Variants in VPS13C observed in about 807,000 individuals in gnomAD.
The protein encoded by VPS13C is intermembrane lipid transfer protein VPS13C.
A neutral mutation model predicts 456.8 loss-of-function variants in VPS13C; 358 were observed. The ratio of observed to expected loss-of-function variants is 0.78; its 90% CI spans 0.72 to 0.86. VPS13C has a LOEUF of 0.86. Among genes scored for constraint, VPS13C ranks in the 40% least tolerant of loss-of-function variants. VPS13C has a pLI of 0.00. For synonymous variants in VPS13C, 1,578 were observed against 1,486.7 expected (o/e 1.06, Z -1.41); for missense variants, 4,818 against 4,385.4 (o/e 1.10, Z -2.79).
At chr15:62,044,447 A>G (rs977174860) in intron 1 of VPS13C, among the ~76,000 whole-genome samples, 192 bp from the exon 2 acceptor site, 1 of 152,216 alleles carries the variant, frequency 6.6e-6, no homozygotes, top group African/African-American at 2.4e-5. Flanking sequence ...GTAGCATACT[A>G]TAGGTTAATC....
chr15:61,931,285 A>T (rs770717967), intron 49 of VPS13C, 26 bp from the exon 50 acceptor site: 2 of 1,591,074 alleles, frequency 1.3e-6, no homozygotes, highest in Admixed American at 1.8e-5. Context: ...CAAGCAAAAG[A>T]ATCAATTACC....
chr15:62,037,638 C>A (rs2048109710), intron 3 of VPS13C, among the ~76,000 whole-genome samples: 1 of 150,754 alleles, frequency 6.6e-6, no homozygotes, highest in African/African-American at 2.4e-5. Context: ...AAAGATATCA[C>A]CTTCATCCTT....
In VPS13C at chr15:61,917,418, C is replaced by A; in HGVS notation, c.7978G>T (p.Val2660Leu). The change falls in exon 60 of 85, where the codon GTA (valine) becomes TTA (leucine). Residue 2660 changes from valine (V) to leucine (L), a missense_variant. Physicochemically the swap from Val to Leu is conservative, Grantham distance 32 (BLOSUM62 1). Around this residue, in one of 3 missense-constraint regions of VPS13C, gnomAD observed 4,552 missense variants for 4,130.6 expected, o/e 1.10. Transcript: ENST00000644861. ...GGATAAAGATGAATAATGTAAGCTA[C>A]ATCCCAGTCTTCCCCATGTGTACAT... ...YICTHGEDWD[V>L]AYIIHLYPSL... 1 of 1,613,954 alleles carries A rather than the reference C, an allele frequency of 6.2e-7. No homozygotes were observed. The highest frequency in any genetic ancestry group is 1.1e-5 in the South Asian group (1 of 91,064).
intron 49 of VPS13C, among the ~76,000 whole-genome samples, chr15:61,931,840 A>G (rs552193502): frequency 1.3e-5 from 2 of 152,122 alleles, no homozygotes; most frequent in Non-Finnish European, 2.9e-5. Context: ...TCGGCCTCCC[A>G]AAGTGCTGGG....
rs2140323521 is a variant in VPS13C, at chr15:61,962,863, G to A, written c.3332-11C>T. 6.4e-7 allele frequency: 1 copy of A among 1,554,016 alleles called. No individual in the cohort carries two copies. The highest frequency in any genetic ancestry group is 8.8e-7 in the Non-Finnish European group (1 of 1,133,980). On this transcript the variant is annotated splice_polypyrimidine_tract_variant and intron_variant, in intron 32 of 84. Transcript: ENST00000644861. ...GGGAGGAATCCAGTCCTGAAAAAAA[G>A]AGTGTATTATTATAATTTCTACAGA...
intron 14 of VPS13C, 92 bp from the exon 15 acceptor site, chr15:62,007,571 A>T: frequency 8.6e-7 from 1 of 1,164,488 alleles, no homozygotes. Context: ...ATGCTGTCAA[A>T]TTTTTTGTTC....
chr15:62,013,388 T>C (rs1029476758), intron 10 of VPS13C, among the ~76,000 whole-genome samples: 1 of 151,916 alleles, frequency 6.6e-6, no homozygotes, highest in African/African-American at 2.4e-5. Flanking sequence ...CAGAAATTAG[T>C]ATTTAACAGA....
chr15:61,876,924 G>T, intron 75 of VPS13C, 49 bp downstream of exon 75: 1 of 1,398,336 alleles, frequency 7.2e-7, no homozygotes, highest in Non-Finnish European at 9.9e-7. Context: ...CAAATGTTTT[G>T]ATATTTTATG....
chr15:62,012,165 C>T lies in VPS13C; in HGVS notation c.826-1G>A, dbSNP rs376861755. ...TAAGAATTTCATTTTTCAGCTGATCCTAAACAAAAAATTTGAATGAGAATG... is the reference window on the plus strand; with the variant it reads ...TAAGAATTTCATTTTTCAGCTGATCTTAAACAAAAAATTTGAATGAGAATG... On this transcript the variant is annotated splice_acceptor_variant, in intron 11 of 84. Transcript: ENST00000644861. LOFTEE classifies it high-confidence loss of function. The T allele has an allele frequency of 4.1e-5, 63 of 1,531,788 alleles. No individual in the cohort carries two copies. The highest frequency in any genetic ancestry group is 5.1e-5 in the Non-Finnish European group (57 of 1,113,092). 94.9% of individuals were successfully genotyped at this position (1,531,788 alleles called of 1,614,324 possible).
chr15:61,869,950 C>G (rs1273636001), intron 79 of VPS13C, among the ~76,000 whole-genome samples: 1 of 152,148 alleles, frequency 6.6e-6, no homozygotes, highest in Non-Finnish European at 1.5e-5. Context: ...CTCATCAGTA[C>G]CTGCAACTTG....
intron 8 of VPS13C, among the ~76,000 whole-genome samples, chr15:62,021,782 T>C (rs2047470428): frequency 6.6e-6 from 1 of 151,906 alleles, no homozygotes; most frequent in South Asian, 2.1e-4. Flanking sequence ...CCACACTCTC[T>C]TTTTATACTT....
intron 5 of VPS13C, among the ~76,000 whole-genome samples, chr15:62,029,960 A>C (rs534847418): frequency 6.6e-6 from 1 of 152,224 alleles, no homozygotes; most frequent in African/African-American, 2.4e-5. Context: ...GAAACAAAAA[A>C]GGCAAAGGAC....
rs1182458040 is a variant in VPS13C at position 62,005,962 on chromosome 15, C to A, written c.1290+1346G>T. 3.3e-5 allele frequency among the ~76,000 whole-genome samples: 5 copies of A among 152,074 alleles called. No homozygotes were observed. In the South Asian group the frequency reaches 1.0e-3, roughly 32 times the overall value. ...CAGGTGATCCGCCCGCCTCAGCCTC[C>A]CAAAGTGCTGGGATTATAGGTGTGA... On this transcript the variant is annotated intron_variant, in intron 15 of 84. Coordinates refer to ENST00000644861, the MANE Select transcript of VPS13C (RefSeq NM_020821.3).
chr15:62,036,478 ACT>A (rs2048004021), intron 3 of VPS13C, among the ~76,000 whole-genome samples: 1 of 152,078 alleles, frequency 6.6e-6, no homozygotes, highest in African/African-American at 2.4e-5. Flanking sequence ...TTAGATTTTC[ACT>A]TCTCTTCAGC....
Position 61,915,994 on chromosome 15 carries a change from T to G in VPS13C, c.8084A>C (p.Glu2695Ala). ...EGTAETHELAEGSTADVLHSR... is the reference protein window; with the variant it reads ...EGTAETHELAAGSTADVLHSR... ...ATGCAGAACATCAGCAGTACTGCCTTCTGCCAGCTCATGAGTTTCTGCTGT... is the reference window on the plus strand; with the variant it reads ...ATGCAGAACATCAGCAGTACTGCCTGCTGCCAGCTCATGAGTTTCTGCTGT... The change falls in exon 61 of 85, where the codon GAA (glutamate) becomes GCA (alanine). Residue 2695 changes from glutamate (E) to alanine (A), a missense_variant. Coordinates refer to ENST00000644861, the MANE Select transcript of VPS13C (RefSeq NM_020821.3). 6.3e-7 allele frequency: 1 copy of G among 1,595,124 alleles called. No homozygotes were observed. The highest frequency in any genetic ancestry group is 8.6e-7 in the Non-Finnish European group (1 of 1,166,108).
intron 81 of VPS13C, chr15:61,865,200 A>T: frequency 2.0e-6 from 2 of 984,840 alleles, no homozygotes; most frequent in Non-Finnish European, 2.4e-6. Flanking sequence ...AAAGCCCTTT[A>T]CCCAGTAATT....
chr15:61,984,678 T>G (rs2045985054), intron 19 of VPS13C, among the ~76,000 whole-genome samples, 179 bp downstream of exon 19: 1 of 152,102 alleles, frequency 6.6e-6, no homozygotes. Context: ...GAACAAATGA[T>G]GAAGTACCCA....
chr15:61,971,644 A>C (rs543825769), intron 27 of VPS13C, among the ~76,000 whole-genome samples: 1 of 152,354 alleles, frequency 6.6e-6, no homozygotes, highest in Non-Finnish European at 1.5e-5. Context: ...AGGCTATTGC[A>C]AAATAATCCA....
chr15:61,949,411 G>C (rs376636602), intron 42 of VPS13C, 32 bp downstream of exon 42: 1 of 1,594,570 alleles, frequency 6.3e-7, no homozygotes, highest in African/African-American at 1.4e-5. Context: ...AAAGTTCAAA[G>C]TATTATTAGA....
Sources: allele counts gnomAD v4.1 joint callset (sites outside exome capture counted in the v4.1 genomes callset), GRCh38; gene constraint gnomAD v4.1.1; regional missense constraint gnomAD v4.1.1; transcripts MANE v1.5; gene names NCBI Gene and HGNC (gene_info 2026-07-23, HGNC 2026-07-21).